AGAP1: variants seen among roughly 807,000 people sequenced by gnomAD.
The protein encoded by AGAP1 is ArfGAP with GTPase domain, ankyrin repeat and PH domain 1.
A neutral mutation model predicts 105.3 loss-of-function variants in AGAP1; 29 were observed. That is an observed-to-expected ratio of 0.28 (90% CI 0.21 to 0.38). The LOEUF (loss-of-function observed/expected upper bound fraction) is 0.38, where lower values mean the gene tolerates loss of function less well. AGAP1 is among the 10% of genes least tolerant of loss of function. The pLI is 1.00. For synonymous variants in AGAP1, 509 were observed against 485.9 expected (o/e 1.05, Z -0.63); for missense variants, 998 against 1,165.1 (o/e 0.86, Z 2.09).
At chr2:235,673,813 C>G (rs1948572885) in intron 1 of AGAP1, among the ~76,000 whole-genome samples, 1 of 152,178 alleles carries the variant, frequency 6.6e-6, no homozygotes, top group South Asian at 2.1e-4. Flanking sequence ...TCAGCTGGTA[C>G]AGGTTTTTCT....
chr2:235,933,536 A>ATTTTT (rs71036300), intron 12 of AGAP1, among the ~76,000 whole-genome samples: 5 of 142,010 alleles, frequency 3.5e-5, no homozygotes, highest in Admixed American at 1.4e-4. Flanking sequence ...TTTTCTAAGG[A>ATTTTT]TTTTTTTTTT....
rs186639129 is a variant in AGAP1 at position 235,904,647 on chromosome 2, G to A, written c.1156-4091G>A. 2.2e-4 allele frequency among the ~76,000 whole-genome samples: 34 copies of A among 152,224 alleles called. No individual in the cohort carries two copies. Among genetic ancestry groups the A allele is most frequent in the Admixed American group, 1.4e-3 (21 of 15,296 alleles). On this transcript the variant is annotated intron_variant, in intron 10 of 17. Coordinates refer to ENST00000304032, the MANE Select transcript of AGAP1 (RefSeq NM_001037131.3). This position sits in a 1 kb window ranked among gnomAD's most constrained non-coding sequence, Gnocchi z 4.2. ...TCAAGCTTCCTGTCTTAATTTTACC[G>A]AGGTCCCTAACTCAGACCCGTGAAG...
At chr2:235,849,946 CA>C (rs1305036051) in intron 9 of AGAP1, among the ~76,000 whole-genome samples, 1 of 152,220 alleles carries the variant, frequency 6.6e-6, no homozygotes, top group African/African-American at 2.4e-5. Flanking sequence ...CTGCCTTTCT[CA>C]CTTTTCCCTC....
At chr2:235,604,309 G>A (rs532246564) in intron 1 of AGAP1, among the ~76,000 whole-genome samples, 143 of 151,818 alleles carry the variant, frequency 9.4e-4, no homozygotes, top group Non-Finnish European at 1.6e-3. Context: ...GTGAGACCCC[G>A]CCTATACAAC....
chr2:235,828,340 A>C (rs1959169567), intron 9 of AGAP1, among the ~76,000 whole-genome samples: 1 of 152,144 alleles, frequency 6.6e-6, no homozygotes, highest in South Asian at 2.1e-4. Flanking sequence ...GCTCTCAGTA[A>C]ATATTTATGT....
At chr2:235,986,870 T>C (rs1182961593) in intron 13 of AGAP1, among the ~76,000 whole-genome samples, 1 of 152,178 alleles carries the variant, frequency 6.6e-6, no homozygotes, top group Admixed American at 6.5e-5. Flanking sequence ...TGGACTCTTT[T>C]TGCCAGTATT....
intron 2 of AGAP1, among the ~76,000 whole-genome samples, chr2:235,711,081 C>T (rs1022368244): frequency 2.0e-5 from 3 of 152,200 alleles, no homozygotes; most frequent in African/African-American, 7.2e-5. Flanking sequence ...CTTCCACCAC[C>T]GCACTGCCTG....
intron 8 of AGAP1, among the ~76,000 whole-genome samples, chr2:235,806,562 A>ATCGGAGATAATTGAC (rs1278788046): frequency 6.6e-6 from 1 of 152,216 alleles, no homozygotes; most frequent in African/African-American, 2.4e-5. Context: ...TCAGCAGTGC[A>ATCGGAGATAATTGAC]TCGGAGATAA....
intron 1 of AGAP1, among the ~76,000 whole-genome samples, chr2:235,706,752 G>T (rs1327593257): frequency 6.6e-6 from 1 of 152,190 alleles, no homozygotes; most frequent in Non-Finnish European, 1.5e-5. Context: ...TGCAGCAACA[G>T]AGTGACGTTC....
At position 236,062,484 on chromosome 2, in the gene AGAP1, AT is replaced by A. The variant is rs1559238176; in HGVS notation, c.2114+13211del. Among the ~76,000 whole-genome samples the A allele has an allele frequency of 9.7e-5, 3 of 30,860 alleles. No individual in the cohort carries two copies. Among genetic ancestry groups the A allele is most frequent in the Non-Finnish European group, 1.6e-4 (2 of 12,212 alleles). The allele number at this position is 30,860 out of a possible 152,430, so 20.2% of individuals were successfully genotyped here. On this transcript the variant is annotated intron_variant, in intron 16 of 17. Coordinates refer to ENST00000304032, the MANE Select transcript of AGAP1 (RefSeq NM_001037131.3). The surrounding 1 kb of genome is among the most constrained non-coding windows in gnomAD (Gnocchi z 4.2). ...TGTTACTTTTCATTTATTTTCATGT[AT>A]TTTTTTTAGAAACAGAATCTCACTC... is the stretch of plus-strand genomic sequence containing the variant.
At chr2:236,064,895 T>G (rs2058304612) in intron 16 of AGAP1, among the ~76,000 whole-genome samples, 1 of 152,248 alleles carries the variant, frequency 6.6e-6, no homozygotes, top group South Asian at 2.1e-4. Flanking sequence ...ACCTGTTCTG[T>G]AATATTCCAG....
chr2:235,748,479 A>G (rs1004552542), intron 5 of AGAP1, among the ~76,000 whole-genome samples: 1 of 152,264 alleles, frequency 6.6e-6, no homozygotes, highest in South Asian at 2.1e-4. Context: ...TTTACTAATC[A>G]GCAAGACAAG....
Position 236,055,989 on chromosome 2 carries a change from G to A in AGAP1, c.2114+6708G>A, listed in dbSNP as rs866789378. On this transcript the variant is annotated intron_variant, in intron 16 of 17. Transcript: ENST00000304032. The surrounding 1 kb of genome is among the most constrained non-coding windows in gnomAD (Gnocchi z 6.2). ...AGGAAAATGTACAAATGAGAAGTAC[G>A]TTAACACTGCCTTTAAAATAATACC... Among the ~76,000 whole-genome samples, 30 of 152,156 alleles carry A rather than the reference G, an allele frequency of 2.0e-4. No individual in the cohort carries two copies. Among genetic ancestry groups the A allele is most frequent in the Admixed American group, 7.2e-4 (11 of 15,264 alleles).
At chr2:235,969,834 A>G (rs1475400097) in intron 13 of AGAP1, among the ~76,000 whole-genome samples, 3 of 152,176 alleles carry the variant, frequency 2.0e-5, no homozygotes, top group Admixed American at 6.5e-5. Context: ...GAAGGGTTAG[A>G]AGCCTTTCTC....
intron 1 of AGAP1, among the ~76,000 whole-genome samples, chr2:235,636,671 C>A (rs1237083623): frequency 2.0e-5 from 3 of 152,166 alleles, no homozygotes; most frequent in African/African-American, 7.2e-5. Context: ...AGAGGTGAGT[C>A]GGCCTGACCA....
intron 1 of AGAP1, among the ~76,000 whole-genome samples, chr2:235,649,909 A>G (rs1191973465): frequency 2.0e-5 from 3 of 152,200 alleles, no homozygotes; most frequent in Non-Finnish European, 4.4e-5. Context: ...AGTGCCTTTT[A>G]TACCAGAGTA....
At chr2:236,010,538 G>A (rs979381152) in intron 13 of AGAP1, among the ~76,000 whole-genome samples, 29 of 152,180 alleles carry the variant, frequency 1.9e-4, no homozygotes, top group Admixed American at 1.1e-3. Context: ...CCTCATGAGT[G>A]GAGTGACACC....
Position 235,739,808 on chromosome 2 carries a change from G to A in AGAP1, c.311-1155G>A, listed in dbSNP as rs966440104. Among the ~76,000 whole-genome samples, 3 of 152,210 alleles carry A rather than the reference G, an allele frequency of 2.0e-5. No homozygotes were observed. The highest frequency in any genetic ancestry group is 2.9e-5 in the Non-Finnish European group (2 of 68,038). On this transcript the variant is annotated intron_variant, in intron 3 of 17. Transcript: ENST00000304032. The surrounding 1 kb of genome is among the most constrained non-coding windows in gnomAD (Gnocchi z 5.3). ...GGGACTCTGATTTTTTGCTTCTCAG[G>A]CACTGATGTGGTTCAGACCCAGGAT...
At chr2:235,570,369 T>C (rs889028621) in intron 1 of AGAP1, among the ~76,000 whole-genome samples, 86 of 152,306 alleles carry the variant, frequency 5.6e-4, no homozygotes, top group African/African-American at 2.0e-3. Flanking sequence ...TTAATGCTGG[T>C]CTCCCTCTTG....
Sources: allele counts gnomAD v4.1 joint callset (sites outside exome capture counted in the v4.1 genomes callset), GRCh38; gene constraint gnomAD v4.1.1; non-coding constraint Gnocchi (gnomAD v3.1); transcripts MANE v1.5; gene names NCBI Gene and HGNC (gene_info 2026-07-23, HGNC 2026-07-21).